Variants in DTNA observed in about 807,000 individuals in gnomAD.
The protein encoded by DTNA is dystrophin-related protein 3.
DTNA carries 43 observed loss-of-function variants against 100.7 expected under a neutral mutation model. The observed-to-expected ratio is 0.43, with a 90% CI of 0.33 to 0.55. The LOEUF (loss-of-function observed/expected upper bound fraction) is 0.55. Ranked by LOEUF, DTNA falls within the 20% of genes least tolerant of loss-of-function variation. The probability of loss-of-function intolerance (pLI) is 0.04; values close to 1 mark genes in which losing one functional copy is unlikely to be tolerated. For missense variants in DTNA, 798 were observed against 953.9 expected, an observed-to-expected ratio of 0.84 and a Z score of 2.15; for synonymous variants, 349 against 347.9, an observed-to-expected ratio of 1.00 and a Z score of -0.04.
At chr18:34,767,069 GTTTTC>G (rs927768711) in intron 3 of DTNA, among the ~76,000 whole-genome samples, 1 of 151,810 alleles carries the variant, frequency 6.6e-6, no homozygotes, top group Non-Finnish European at 1.5e-5. Flanking sequence ...GTGTAAGAAC[GTTTTC>G]TTTTCTTTTT....
intron 16 of DTNA, among the ~76,000 whole-genome samples, chr18:34,860,905 G>T (rs2096616042): frequency 6.6e-6 from 1 of 152,102 alleles, no homozygotes; most frequent in Non-Finnish European, 1.5e-5. Flanking sequence ...TCGTTTAATG[G>T]ATAAGGAAAC....
At chr18:34,607,715 G>T (rs1054300516) in intron 1 of DTNA, among the ~76,000 whole-genome samples, 1 of 152,116 alleles carries the variant, frequency 6.6e-6, no homozygotes, top group Non-Finnish European at 1.5e-5. Context: ...TTCTTCTCAT[G>T]ACCTCTTGAC....
chr18:34,856,370 C>A (rs2096552779), intron 15 of DTNA, among the ~76,000 whole-genome samples: 1 of 152,148 alleles, frequency 6.6e-6, no homozygotes, highest in African/African-American at 2.4e-5. Context: ...AGATAGAGTT[C>A]CTCATTTCAT....
chr18:34,659,332 G>A (rs1389722636), intron 1 of DTNA, among the ~76,000 whole-genome samples: 3 of 152,108 alleles, frequency 2.0e-5, no homozygotes, highest in Non-Finnish European at 4.4e-5. Flanking sequence ...AGTTATTAAT[G>A]AGGTCTTTTA....
At chr18:34,646,039 T>TG (rs2059797447) in intron 1 of DTNA, among the ~76,000 whole-genome samples, 1 of 152,176 alleles carries the variant, frequency 6.6e-6, no homozygotes, top group African/African-American at 2.4e-5. Context: ...ATATGTACTC[T>TG]CTTAGCTGGT....
chr18:34,497,288 A>G (rs1297479398), intron 1 of DTNA, among the ~76,000 whole-genome samples: 1 of 152,200 alleles, frequency 6.6e-6, no homozygotes, highest in African/African-American at 2.4e-5. Flanking sequence ...CTTCATAGTG[A>G]TGGAGATGAT....
intron 1 of DTNA, among the ~76,000 whole-genome samples, chr18:34,615,795 A>G (rs188671109): frequency 6.1e-4 from 93 of 152,150 alleles, no homozygotes; most frequent in African/African-American, 1.9e-3. Flanking sequence ...TTTTGTGTCT[A>G]TGTACTCAAT....
At chr18:34,798,187 A>G (rs1472921689) in intron 4 of DTNA, among the ~76,000 whole-genome samples, 1 of 152,042 alleles carries the variant, frequency 6.6e-6, no homozygotes, top group African/African-American at 2.4e-5. Context: ...TTTAGTAGAG[A>G]TAGGGATTCA....
At chr18:34,599,079 C>T (rs2051247470) in intron 1 of DTNA, among the ~76,000 whole-genome samples, 1 of 152,090 alleles carries the variant, frequency 6.6e-6, no homozygotes. Flanking sequence ...TATTGTGAGG[C>T]TTTGATACGC....
At chr18:34,799,030 A>G (rs1035429982) in intron 4 of DTNA, among the ~76,000 whole-genome samples, 1 of 152,212 alleles carries the variant, frequency 6.6e-6, no homozygotes, top group Non-Finnish European at 1.5e-5. Flanking sequence ...ATTACAGGAT[A>G]TTATTCTGAT....
intron 1 of DTNA, among the ~76,000 whole-genome samples, chr18:34,676,360 A>T (rs983592232): frequency 6.6e-6 from 1 of 152,150 alleles, no homozygotes; most frequent in Non-Finnish European, 1.5e-5. Flanking sequence ...CTTTTATGGT[A>T]CTCTGTGGTA....
intron 2 of DTNA, among the ~76,000 whole-genome samples, chr18:34,759,706 C>T (rs893739763): frequency 6.6e-6 from 1 of 152,146 alleles, no homozygotes; most frequent in African/African-American, 2.4e-5. Context: ...TTTTGAGACA[C>T]AGTTTCACTC....
At position 34,755,991 on chromosome 18, in the gene DTNA, TG is replaced by T. The variant is rs773454515; in HGVS notation, c.18del (p.Arg8GlufsTer15). MIEDSGKRGNTMAERR... is the reference protein window; with the variant it reads MIEDSXKRGNTMAERR... ...TGTCTCATAGAATGATTGAAGATAG[TG>T]GGAAAAGAGGAAATACCATGGCAGA... On this transcript the variant is annotated frameshift_variant, in exon 2 of 23. Coordinates refer to ENST00000444659, the MANE Select transcript of DTNA (RefSeq NM_001386795.1). LOFTEE classifies it high-confidence loss of function. 1.9e-6 allele frequency: 3 copies of T among 1,613,216 alleles called. No homozygotes were observed. In the African/African-American group the frequency reaches 4.0e-5, roughly 22 times the overall value.
At chr18:34,652,332 T>C (rs948690546) in intron 1 of DTNA, among the ~76,000 whole-genome samples, 6 of 152,168 alleles carry the variant, frequency 3.9e-5, no homozygotes, top group African/African-American at 1.4e-4. Context: ...ATCAATGAGT[T>C]CTCTTCATCC....
chr18:34,563,294 G>C (rs1252252473), intron 1 of DTNA, among the ~76,000 whole-genome samples: 1 of 152,192 alleles, frequency 6.6e-6, no homozygotes, highest in Non-Finnish European at 1.5e-5. Context: ...CACAAGCCAA[G>C]GAATGTCAAG....
At chr18:34,830,148 T>C (rs2095969910) in intron 11 of DTNA, among the ~76,000 whole-genome samples, 1 of 152,182 alleles carries the variant, frequency 6.6e-6, no homozygotes, top group Non-Finnish European at 1.5e-5. Flanking sequence ...GGTTCTATAC[T>C]TCTATCATTG....
chr18:34,877,757 G>C lies in DTNA; in HGVS notation c.1942G>C (p.Ala648Pro). The C allele has an allele frequency of 6.2e-7, 1 of 1,613,900 alleles. No homozygotes were observed. Among genetic ancestry groups the C allele is most frequent in the Non-Finnish European group, 8.5e-7 (1 of 1,179,912 alleles). The change falls in exon 19 of 23, where the codon GCA becomes CCA. Residue 648 changes from alanine to proline, a missense_variant. By Grantham distance (27) the Ala-to-Pro change is conservative (BLOSUM62 -1). Coordinates refer to ENST00000444659, the MANE Select transcript of DTNA (RefSeq NM_001386795.1). ...CTTAAGGAATGACTTGCTAGTGGCT[G>C]CAGATTCCATCACTAACACTATGTC... Reference protein sequence around the residue: ...RNLRNDLLVAADSITNTMSSL... With the variant: ...RNLRNDLLVAPDSITNTMSSL...
intron 4 of DTNA, among the ~76,000 whole-genome samples, chr18:34,798,679 TA>T (rs2095088965): frequency 1.3e-5 from 2 of 152,216 alleles, no homozygotes; most frequent in African/African-American, 4.8e-5. Context: ...GTATGACAGT[TA>T]AAAATATTAA....
chr18:34,879,399 A>G, intron 19 of DTNA, 152 bp from the exon 20 acceptor site: 1 of 778,200 alleles, frequency 1.3e-6, no homozygotes, highest in South Asian at 1.8e-5. Context: ...ATCAATTCTT[A>G]TTTTGAAACA....
Sources: gnomAD v4.1 joint callset for allele counts (sites outside exome capture counted in the v4.1 genomes callset) on GRCh38, gnomAD v4.1.1 for gene constraint, MANE v1.5 for transcripts, NCBI Gene and HGNC (gene_info 2026-07-23, HGNC 2026-07-21) for gene names.